The following OXSR1 variants were observed in gnomAD, a reference collection of about 807,000 sequenced individuals.
The protein encoded by OXSR1 is serine/threonine-protein kinase OSR1.
In OXSR1, 24 loss-of-function variants were observed where a neutral mutation model predicts 79.8. That is an observed-to-expected ratio of 0.30 (90% CI 0.22 to 0.42). The LOEUF (loss-of-function observed/expected upper bound fraction) is 0.42. Ranked by LOEUF, OXSR1 falls within the 10% of genes least tolerant of loss-of-function variation. The probability of loss-of-function intolerance (pLI) is 1.00; values close to 1 mark genes in which losing one functional copy is unlikely to be tolerated. For synonymous variants in OXSR1, 226 were observed against 209.2 expected, an observed-to-expected ratio of 1.08 and a Z score of -0.69; for missense variants, 430 against 618.4, an observed-to-expected ratio of 0.70 and a Z score of 3.23.
intron 1 of OXSR1, among the ~76,000 whole-genome samples, chr3:38,181,815 G>C (rs972932848): frequency 2.7e-5 from 4 of 149,616 alleles, no homozygotes; most frequent in Non-Finnish European, 5.9e-5. Context: ...CCTGGTTCTT[G>C]GTATGACATG....
chr3:38,199,984 G>T (rs1173165650), intron 4 of OXSR1, among the ~76,000 whole-genome samples: 1 of 152,178 alleles, frequency 6.6e-6, no homozygotes, highest in African/African-American at 2.4e-5. Context: ...TGGGGAGTGG[G>T]GAAACACTGG....
intron 1 of OXSR1, among the ~76,000 whole-genome samples, chr3:38,174,032 G>A (rs1238542837): frequency 1.3e-5 from 2 of 152,202 alleles, no homozygotes; most frequent in Non-Finnish European, 2.9e-5. Flanking sequence ...AGGACAACAA[G>A]AACAAAGGTT....
intron 1 of OXSR1, among the ~76,000 whole-genome samples, chr3:38,169,591 C>G (rs1054027229): frequency 6.6e-6 from 1 of 151,846 alleles, no homozygotes; most frequent in South Asian, 2.1e-4. Context: ...AGGGGTGAGC[C>G]ACTGCGCCTG....
chr3:38,191,864 C>T (rs1171702967), intron 3 of OXSR1, among the ~76,000 whole-genome samples: 16 of 152,074 alleles, frequency 1.1e-4, no homozygotes, highest in Non-Finnish European at 4.4e-5. Context: ...GGTTGTAAAA[C>T]GGTGATTTTT....
chr3:38,178,242 T>C (rs576230857), intron 1 of OXSR1, among the ~76,000 whole-genome samples: 55 of 152,256 alleles, frequency 3.6e-4, no homozygotes, highest in African/African-American at 1.3e-3. Context: ...TGAGCCACTG[T>C]GCCCAGCCCC....
intron 1 of OXSR1, among the ~76,000 whole-genome samples, chr3:38,171,325 G>C (rs112640370): frequency 7.4e-4 from 112 of 152,262 alleles, no homozygotes; most frequent in Non-Finnish European, 1.2e-3. Context: ...TCTTCAAAAT[G>C]AATCTTTATG....
intron 3 of OXSR1, among the ~76,000 whole-genome samples, chr3:38,198,386 T>C (rs1195511058): frequency 6.6e-6 from 1 of 152,154 alleles, no homozygotes; most frequent in East Asian, 1.9e-4. Context: ...TAAAAGCCTA[T>C]ATTGGTTTGT....
chr3:38,239,051 T>A (rs1702975527), intron 11 of OXSR1, among the ~76,000 whole-genome samples: 1 of 152,162 alleles, frequency 6.6e-6, no homozygotes, highest in Non-Finnish European at 1.5e-5. Flanking sequence ...CAATATCTAA[T>A]CTTCTGCTAA....
At chr3:38,224,135 C>T (rs913511447) in intron 7 of OXSR1, among the ~76,000 whole-genome samples, 3 of 152,208 alleles carry the variant, frequency 2.0e-5, no homozygotes, top group Admixed American at 6.5e-5. Context: ...CATTTTAAAA[C>T]TGGAACTCTA....
At chr3:38,230,251 A>T (rs1263833121) in intron 9 of OXSR1, 114 bp from the exon 10 acceptor site, 1 of 705,752 alleles carries the variant, frequency 1.4e-6, no homozygotes, top group Non-Finnish European at 2.6e-6. Flanking sequence ...TTTTTCTCAC[A>T]CTTCATTACA....
chr3:38,246,681 G>A (rs1002387369), intron 13 of OXSR1, among the ~76,000 whole-genome samples: 4 of 152,074 alleles, frequency 2.6e-5, no homozygotes, highest in African/African-American at 9.7e-5. Flanking sequence ...GGTTTGTTAA[G>A]TCCGGGTATT....
chr3:38,223,796 C>G lies in OXSR1; in HGVS notation c.601-16C>G. Reference sequence around the variant, plus strand: ...TTTTATGCTGGTAAAAATAATCATGCAAATCTGTTTTGCAGGTCCGTGGTT... The same window carrying G: ...TTTTATGCTGGTAAAAATAATCATGGAAATCTGTTTTGCAGGTCCGTGGTT... On this transcript the variant is annotated splice_polypyrimidine_tract_variant and intron_variant, in intron 6 of 17. Coordinates refer to ENST00000311806, the MANE Select transcript of OXSR1 (RefSeq NM_005109.3). The G allele has an allele frequency of 6.4e-7, 1 of 1,571,006 alleles. No individual in the cohort carries two copies. The highest frequency in any genetic ancestry group is 1.1e-5 in the South Asian group (1 of 89,338).
chr3:38,250,545 C>T (rs1372018636), intron 15 of OXSR1, among the ~76,000 whole-genome samples: 1 of 152,170 alleles, frequency 6.6e-6, no homozygotes, highest in Non-Finnish European at 1.5e-5. Context: ...CTGTTTCTGG[C>T]TGTTGAACTT....
intron 14 of OXSR1, 108 bp from the exon 15 acceptor site, chr3:38,249,858 G>A: frequency 1.4e-6 from 1 of 718,504 alleles, no homozygotes; most frequent in South Asian, 1.6e-5. Flanking sequence ...ATGATCTATG[G>A]GAACAAAACA....
At chr3:38,196,246 A>G (rs1488996970) in intron 3 of OXSR1, among the ~76,000 whole-genome samples, 1 of 152,184 alleles carries the variant, frequency 6.6e-6, no homozygotes, top group East Asian at 1.9e-4. Context: ...GTGATAATCT[A>G]CTTCTTCCTT....
In OXSR1 at chr3:38,226,006, C is replaced by T. The variant is rs115009055; in HGVS notation, c.836+1302C>T. On this transcript the variant is annotated intron_variant, in intron 8 of 17. Coordinates refer to ENST00000311806, the MANE Select transcript of OXSR1 (RefSeq NM_005109.3). ...ACCTCTCCTGAATAATCAAGCCCTT[C>T]AACCTGGACATTCCACAGGTTTAGA... is the stretch of plus-strand genomic sequence containing the variant. Among the ~76,000 whole-genome samples the T allele has an allele frequency of 8.2e-3, 1,244 of 152,256 alleles. 12 individuals carry two copies. Among genetic ancestry groups the T allele is most frequent in the South Asian group, 0.02 (98 of 4,830 alleles).
chr3:38,241,902 A>G (rs1410683376), intron 11 of OXSR1, among the ~76,000 whole-genome samples: 1 of 150,958 alleles, frequency 6.6e-6, no homozygotes, highest in African/African-American at 2.4e-5. Flanking sequence ...AAATGGTGAT[A>G]AAAGTGTTAA....
intron 2 of OXSR1, among the ~76,000 whole-genome samples, chr3:38,190,253 C>T (rs1051437635): frequency 2.6e-5 from 4 of 151,870 alleles, no homozygotes; most frequent in African/African-American, 4.8e-5. Context: ...TAGTTTTTGA[C>T]GTTGTCCTGT....
intron 14 of OXSR1, among the ~76,000 whole-genome samples, chr3:38,248,357 C>G (rs1703188751): frequency 6.9e-6 from 1 of 144,828 alleles, no homozygotes; most frequent in African/African-American, 2.6e-5. Context: ...GCCCCTAGCA[C>G]TAGTAGCTGG....
Sources: gnomAD v4.1 joint callset for allele counts (sites outside exome capture counted in the v4.1 genomes callset) on GRCh38, gnomAD v4.1.1 for gene constraint, MANE v1.5 for transcripts, NCBI Gene and HGNC (gene_info 2026-07-23, HGNC 2026-07-21) for gene names.